KCNK10: variants seen among roughly 807,000 people sequenced by gnomAD.
The protein encoded by KCNK10 is potassium two pore domain channel subfamily K member 10, also known as potassium channel subfamily K member 10.
Under a neutral mutation model 47.7 loss-of-function variants are expected in KCNK10, and 25 were observed. That is an observed-to-expected ratio of 0.52 (90% CI 0.38 to 0.73). KCNK10 has a LOEUF of 0.73. Ranked by LOEUF, KCNK10 falls within the 30% of genes least tolerant of loss-of-function variation. The probability of loss-of-function intolerance (pLI) is 0.00; values close to 1 mark genes in which losing one functional copy is unlikely to be tolerated. For synonymous variants in KCNK10, 303 were observed against 285.6 expected, an observed-to-expected ratio of 1.06 and a Z score of -0.61; for missense variants, 563 against 714.5, an observed-to-expected ratio of 0.79 and a Z score of 2.42.
intron 2 of KCNK10, among the ~76,000 whole-genome samples, chr14:88,245,199 A>T (rs765056274): frequency 6.6e-6 from 1 of 152,226 alleles, no homozygotes; most frequent in Non-Finnish European, 1.5e-5. Flanking sequence ...CTAAAATTAG[A>T]CAAACACAAA....
intron 2 of KCNK10, 22 bp from the exon 3 acceptor site, chr14:88,240,842 A>T: frequency 6.9e-7 from 1 of 1,448,996 alleles, no homozygotes; most frequent in South Asian, 1.2e-5. Flanking sequence ...GGGAAAAAGC[A>T]TAAGACTCAG....
In KCNK10 at chr14:88,180,503, C is replaced by T. The variant is rs1332204133; in HGVS notation, c.*5032G>A. The T allele has an allele frequency of 2.2e-5, 6 of 273,384 alleles. No homozygotes were observed. The highest frequency in any genetic ancestry group is 1.6e-4 in the Admixed American group (3 of 18,828). 16.9% of individuals were successfully genotyped at this position (273,384 alleles called of 1,614,324 possible). On this transcript the variant is annotated 3_prime_UTR_variant, in exon 7 of 7. Coordinates refer to ENST00000319231, the MANE Select transcript of KCNK10 (RefSeq NM_138317.3). ...AGCCCTGACAGCAAAAGAGAGCTTC[C>T]GCAGTTACCTTCTGCAGCATAGGTC...
intron 2 of KCNK10, among the ~76,000 whole-genome samples, chr14:88,247,392 C>G (rs186420296): frequency 5.8e-4 from 89 of 152,294 alleles, no homozygotes; most frequent in African/African-American, 1.9e-3. Context: ...CACACCACCT[C>G]AGAGTCCCTC....
At chr14:88,303,857 T>A (rs1162725906) in intron 1 of KCNK10, among the ~76,000 whole-genome samples, 3 of 152,100 alleles carry the variant, frequency 2.0e-5, no homozygotes, top group African/African-American at 7.2e-5. Context: ...AAAAACTCCC[T>A]CCAATGTGAA....
Position 88,181,511 on chromosome 14 carries a change from A to G in KCNK10, c.*4024T>C, listed in dbSNP as rs768551679. 1.3e-4 allele frequency: 7 copies of G among 52,240 alleles called. No homozygotes were observed. Among genetic ancestry groups the G allele is most frequent in the African/African-American group, 2.4e-4 (3 of 12,718 alleles). 3.2% of individuals were successfully genotyped at this position (52,240 alleles called of 1,614,324 possible). A position where few individuals can be genotyped will look rare whatever the true frequency, so the allele number is the denominator to read the frequency against. ...TACATGAAGTACTACAATTGACTGCAAATAACAACAGCTTAAAATTTCTTT... is the reference window on the plus strand; with the variant it reads ...TACATGAAGTACTACAATTGACTGCGAATAACAACAGCTTAAAATTTCTTT... On this transcript the variant is annotated 3_prime_UTR_variant, in exon 7 of 7. Transcript: ENST00000319231.
chr14:88,248,098 A>C (rs1413468146), intron 2 of KCNK10, among the ~76,000 whole-genome samples: 1 of 152,180 alleles, frequency 6.6e-6, no homozygotes, highest in African/African-American at 2.4e-5. Context: ...GATGTTGAAA[A>C]ATTGCCCTGG....
chr14:88,244,459 G>T (rs1375528917), intron 2 of KCNK10, among the ~76,000 whole-genome samples: 1 of 152,158 alleles, frequency 6.6e-6, no homozygotes, highest in Non-Finnish European at 1.5e-5. Flanking sequence ...ACAAGGTCAG[G>T]AGTTTGAGGC....
chr14:88,263,337 G>A lies in KCNK10; in HGVS notation c.267C>T (p.Val89=). The change falls in exon 2 of 7, where the codon GTC becomes GTT. Residue 89 remains valine, a synonymous_variant. Transcript: ENST00000319231. ...ATGCCCGGAAGACAAGACCGCCAGT[G>A]ACAAGGTAGACCACCACAACCACAA... The part of the protein sequence containing the change: ...AIFVVVVVYL[V]TGGLVFRALE... 1 of 1,613,908 alleles carries A rather than the reference G, an allele frequency of 6.2e-7. No individual in the cohort carries two copies. The highest frequency in any genetic ancestry group is 8.5e-7 in the Non-Finnish European group (1 of 1,180,044).
At chr14:88,258,031 T>C (rs1420762930) in intron 2 of KCNK10, among the ~76,000 whole-genome samples, 2 of 152,008 alleles carry the variant, frequency 1.3e-5, no homozygotes, top group Non-Finnish European at 2.9e-5. Flanking sequence ...AAATGCCCCC[T>C]AGAGGCAACC....
chr14:88,241,245 T>C (rs1886457718), intron 2 of KCNK10, among the ~76,000 whole-genome samples: 1 of 152,252 alleles, frequency 6.6e-6, no homozygotes, highest in Non-Finnish European at 1.5e-5. Flanking sequence ...GTTGAGCTTG[T>C]TTCCACAGGG....
intron 5 of KCNK10, among the ~76,000 whole-genome samples, chr14:88,188,468 T>G (rs1394622596): frequency 6.6e-6 from 1 of 152,194 alleles, no homozygotes; most frequent in African/African-American, 2.4e-5. Context: ...TTCTTAAACT[T>G]CTCTAAATTT....
rs367553576 is a variant in KCNK10 at position 88,240,911 on chromosome 14, C to T, written c.403-91G>A. On this transcript the variant is annotated intron_variant, in intron 2 of 6. Coordinates refer to ENST00000319231, the MANE Select transcript of KCNK10 (RefSeq NM_138317.3). ...AAAAAAAAGGTTCCAATACATTATT[C>T]CCCTACTCAAGAACCTGCAGTGATC... 19 of 769,198 alleles carry T rather than the reference C, an allele frequency of 2.5e-5. 1 individual carries two copies. The African/African-American group carries it at 3.0e-4, about 12-fold the overall frequency. 47.6% of individuals were successfully genotyped at this position (769,198 alleles called of 1,614,324 possible). A position where few individuals can be genotyped will look rare whatever the true frequency, so the allele number is the denominator to read the frequency against.
intron 1 of KCNK10, among the ~76,000 whole-genome samples, chr14:88,277,435 C>T (rs1887548329): frequency 6.6e-6 from 1 of 152,156 alleles, no homozygotes; most frequent in Non-Finnish European, 1.5e-5. Context: ...ACTGCAAATG[C>T]ATCTATCAGA....
intron 1 of KCNK10, among the ~76,000 whole-genome samples, chr14:88,272,791 C>G (rs1368919152): frequency 6.6e-6 from 1 of 151,936 alleles, no homozygotes; most frequent in Non-Finnish European, 1.5e-5. Context: ...TAGGAGTTTA[C>G]TGGAATGTAT....
chr14:88,236,938 C>A lies in KCNK10; in HGVS notation c.520+3765G>T, dbSNP rs532282701. On this transcript the variant is annotated intron_variant, in intron 3 of 6. Coordinates refer to ENST00000319231, the MANE Select transcript of KCNK10 (RefSeq NM_138317.3). ...CTGTTGAAGGCTGGGGTGGCTGTGA[C>A]AATTTCTTGAAATAAGACAACAAAG... Among the ~76,000 whole-genome samples, 7 of 152,314 alleles carry A rather than the reference C, an allele frequency of 4.6e-5. No homozygotes were observed. The South Asian group carries it at 1.4e-3, about 32-fold the overall frequency.
chr14:88,242,888 G>A (rs1033239937), intron 2 of KCNK10, among the ~76,000 whole-genome samples: 1 of 152,170 alleles, frequency 6.6e-6, no homozygotes, highest in Admixed American at 6.5e-5. Context: ...CAGTCACTTA[G>A]GTTGCCTCAA....
In KCNK10 at chr14:88,188,127, T is replaced by C. The variant is rs1227409283; in HGVS notation, c.869-18A>G. The C allele has an allele frequency of 6.2e-7, 1 of 1,613,864 alleles. No individual in the cohort carries two copies. Among genetic ancestry groups the C allele is most frequent in the Admixed American group, 1.7e-5 (1 of 60,018 alleles). Reference sequence around the variant, plus strand: ...GTTTCCCCCTGAAAACAACCAAATGTTACTTTAACCATGATCTAGCATATG... The same window carrying C: ...GTTTCCCCCTGAAAACAACCAAATGCTACTTTAACCATGATCTAGCATATG... On this transcript the variant is annotated intron_variant, in intron 5 of 6. Coordinates refer to ENST00000319231, the MANE Select transcript of KCNK10 (RefSeq NM_138317.3).
At chr14:88,299,979 C>T (rs1888061557) in intron 1 of KCNK10, among the ~76,000 whole-genome samples, 2 of 152,162 alleles carry the variant, frequency 1.3e-5, no homozygotes, top group Admixed American at 1.3e-4. Flanking sequence ...CTCAAATGCA[C>T]CCACTGCAAT....
rs144904121 is a variant in KCNK10 at position 88,317,228 on chromosome 14, G to T, written c.52+5519C>A. Among the ~76,000 whole-genome samples, 107 of 152,282 alleles carry T rather than the reference G, an allele frequency of 7.0e-4. 1 individual carries two copies. The highest frequency in any genetic ancestry group is 2.5e-3 in the African/African-American group (103 of 41,556). On this transcript the variant is annotated intron_variant, in intron 1 of 6. Transcript: ENST00000319231. ...AAAATTGGATATTAAATCAAAAATA[G>T]ATTATTTTCTTTCCAGGAAATCTAA...
Sources: allele counts gnomAD v4.1 joint callset (sites outside exome capture counted in the v4.1 genomes callset), GRCh38; gene constraint gnomAD v4.1.1; transcripts MANE v1.5; gene names NCBI Gene and HGNC (gene_info 2026-07-23, HGNC 2026-07-21).